Variants in GRIK4 observed in about 807,000 individuals in gnomAD.
GRIK4 encodes glutamate receptor ionotropic, kainate 4.
A neutral mutation model predicts 104.9 loss-of-function variants in GRIK4; 40 were observed. The observed-to-expected ratio is 0.38, with a 90% CI of 0.30 to 0.50. The LOEUF (loss-of-function observed/expected upper bound fraction) is 0.50, where lower values mean the gene tolerates loss of function less well. Among genes scored for constraint, GRIK4 ranks in the 20% least tolerant of loss-of-function variants. The probability of loss-of-function intolerance (pLI) is 0.93; values close to 1 mark genes in which losing one functional copy is unlikely to be tolerated. For synonymous variants in GRIK4, 485 were observed against 524.9 expected (o/e 0.92, Z 1.04); for missense variants, 1,047 against 1,308.1 (o/e 0.80, Z 3.08).
At chr11:120,725,352 A>G (rs1951011013) in intron 3 of GRIK4, among the ~76,000 whole-genome samples, 1 of 152,190 alleles carries the variant, frequency 6.6e-6, no homozygotes, top group Non-Finnish European at 1.5e-5. Context: ...CCAAAACACC[A>G]GGGCTTTAGT....
chr11:120,665,352 C>T (rs1228370377), intron 3 of GRIK4, among the ~76,000 whole-genome samples: 3 of 152,146 alleles, frequency 2.0e-5, no homozygotes, highest in Non-Finnish European at 4.4e-5. Flanking sequence ...ATTGAGTCAC[C>T]CATATAGACA....
At chr11:120,563,966 T>C (rs764482086) in intron 1 of GRIK4, among the ~76,000 whole-genome samples, 21 of 152,304 alleles carry the variant, frequency 1.4e-4, no homozygotes, top group Middle Eastern at 3.4e-3. Context: ...GGAGGAGGTG[T>C]TCCCGGTGTG....
At chr11:120,712,257 G>A (rs554384739) in intron 3 of GRIK4, among the ~76,000 whole-genome samples, 46 of 152,282 alleles carry the variant, frequency 3.0e-4, no homozygotes, top group African/African-American at 1.0e-3. Context: ...CCAGCCATGC[G>A]GTGTGCTGGG....
chr11:120,908,438 TAC>T (rs1169027238), intron 13 of GRIK4, among the ~76,000 whole-genome samples: 2,127 of 33,980 alleles, frequency 0.063, 52 homozygotes, highest in African/African-American at 0.11. Flanking sequence ...CACACACACA[TAC>T]ACACACACAC....
intron 11 of GRIK4, among the ~76,000 whole-genome samples, chr11:120,889,621 T>TTTTGG (rs1955224712): frequency 8.7e-6 from 1 of 115,490 alleles, no homozygotes; most frequent in Non-Finnish European, 1.8e-5. Context: ...TTTTTTTTTA[T>TTTTGG]GAGATGGAGT....
chr11:120,671,344 C>G (rs1565286301), intron 3 of GRIK4, among the ~76,000 whole-genome samples: 1 of 152,224 alleles, frequency 6.6e-6, no homozygotes, highest in Admixed American at 6.5e-5. Context: ...TACTATTTCT[C>G]CACATCCTCT....
chr11:120,641,872 G>A (rs1949475782), intron 1 of GRIK4, among the ~76,000 whole-genome samples: 1 of 152,168 alleles, frequency 6.6e-6, no homozygotes. Context: ...TCCTATTCAA[G>A]ATGCAGTTGC....
intron 3 of GRIK4, among the ~76,000 whole-genome samples, chr11:120,718,378 G>A (rs1412929796): frequency 6.6e-6 from 1 of 152,204 alleles, no homozygotes; most frequent in Non-Finnish European, 1.5e-5. Context: ...TTCAGGAGAG[G>A]ATACTTGCCA....
At chr11:120,884,530 G>A (rs1179059817) in intron 11 of GRIK4, among the ~76,000 whole-genome samples, 1 of 152,184 alleles carries the variant, frequency 6.6e-6, no homozygotes, top group Non-Finnish European at 1.5e-5. Flanking sequence ...CTTCAGGATG[G>A]CCTCCCCACA....
chr11:120,916,837 G>A (rs924505224), intron 13 of GRIK4, among the ~76,000 whole-genome samples: 4 of 152,152 alleles, frequency 2.6e-5, no homozygotes, highest in African/African-American at 9.7e-5. Context: ...TCCAAAATCT[G>A]AAAAAGTCGG....
At chr11:120,640,209 T>C (rs768719334) in intron 1 of GRIK4, among the ~76,000 whole-genome samples, 1 of 152,216 alleles carries the variant, frequency 6.6e-6, no homozygotes, top group Non-Finnish European at 1.5e-5. Context: ...GTCAGTATAT[T>C]AGTAATCCTA....
intron 1 of GRIK4, among the ~76,000 whole-genome samples, chr11:120,562,987 G>T (rs1049973814): frequency 1.3e-5 from 2 of 152,180 alleles, no homozygotes; most frequent in South Asian, 2.1e-4. Flanking sequence ...ACGTCCAGTG[G>T]GCTGTGGATG....
intron 7 of GRIK4, among the ~76,000 whole-genome samples, chr11:120,834,880 G>A (rs756957525): frequency 1.3e-5 from 2 of 152,188 alleles, no homozygotes; most frequent in African/African-American, 2.4e-5. Flanking sequence ...GACCCCGCCC[G>A]GACCCTCTGC....
chr11:120,678,392 G>C (rs146449991), intron 3 of GRIK4, among the ~76,000 whole-genome samples: 1 of 152,156 alleles, frequency 6.6e-6, no homozygotes, highest in African/African-American at 2.4e-5. Context: ...TTTATTTATA[G>C]TCGCTTATTT....
At chr11:120,817,487 T>A (rs1465871256) in intron 5 of GRIK4, among the ~76,000 whole-genome samples, 1 of 152,188 alleles carries the variant, frequency 6.6e-6, no homozygotes. Flanking sequence ...GATTCTCCCC[T>A]GCTCCAGGGA....
chr11:120,818,584 T>C (rs1953022092), intron 5 of GRIK4, among the ~76,000 whole-genome samples: 1 of 152,232 alleles, frequency 6.6e-6, no homozygotes, highest in African/African-American at 2.4e-5. Flanking sequence ...TTCTGCTAAA[T>C]CTTTATCCTC....
intron 5 of GRIK4, among the ~76,000 whole-genome samples, chr11:120,816,426 G>A (rs1952960753): frequency 6.6e-6 from 1 of 152,178 alleles, no homozygotes; most frequent in Admixed American, 6.5e-5. Flanking sequence ...GCAGGGACAT[G>A]GGAGGAAGGC....
intron 11 of GRIK4, among the ~76,000 whole-genome samples, chr11:120,879,796 T>C (rs1010648564): frequency 3.9e-5 from 6 of 152,216 alleles, no homozygotes; most frequent in African/African-American, 1.4e-4. Context: ...GCTGTCCATC[T>C]CATATCCTCC....
At chr11:120,935,516 T>C (rs1943577620) in intron 13 of GRIK4, among the ~76,000 whole-genome samples, 1 of 152,058 alleles carries the variant, frequency 6.6e-6, no homozygotes, top group Non-Finnish European at 1.5e-5. Context: ...CACCACTGCA[T>C]TGCAGCCTGG....
Sources: allele counts gnomAD v4.1 joint callset (sites outside exome capture counted in the v4.1 genomes callset), GRCh38; gene constraint gnomAD v4.1.1; transcripts MANE v1.5; gene names NCBI Gene and HGNC (gene_info 2026-07-23, HGNC 2026-07-21).